The following CRISPLD2 variants were observed in gnomAD, a reference collection of about 807,000 sequenced individuals.
CRISPLD2 encodes cysteine rich secretory protein LCCL domain containing 2.
CRISPLD2 carries 47 observed loss-of-function variants against 71.1 expected under a neutral mutation model. The observed-to-expected ratio is 0.66, with a 90% CI of 0.52 to 0.84. The LOEUF (loss-of-function observed/expected upper bound fraction) is 0.84, where lower values mean the gene tolerates loss of function less well. CRISPLD2 is among the 40% of genes least tolerant of loss of function. The probability of loss-of-function intolerance (pLI) is 0.00; values close to 1 mark genes in which losing one functional copy is unlikely to be tolerated. For missense variants in CRISPLD2, 830 were observed against 651.1 expected, an observed-to-expected ratio of 1.27 and a Z score of -2.99; for synonymous variants, 317 against 250.1, an observed-to-expected ratio of 1.27 and a Z score of -2.52.
intron 14 of CRISPLD2, among the ~76,000 whole-genome samples, chr16:84,904,593 T>TA (rs911340806): frequency 1.8e-4 from 23 of 128,058 alleles, no homozygotes; most frequent in East Asian, 1.1e-3. Context: ...CAAAAAAAGG[T>TA]AAAAAAAAAA....
chr16:84,883,968 C>T (rs369325271), intron 13 of CRISPLD2, among the ~76,000 whole-genome samples: 3 of 151,888 alleles, frequency 2.0e-5, no homozygotes, highest in Admixed American at 6.6e-5. Flanking sequence ...CCCAGCCTCC[C>T]GAGTAGCTGG....
At chr16:84,843,400 C>A (rs1301374666) in intron 2 of CRISPLD2, among the ~76,000 whole-genome samples, 1 of 152,228 alleles carries the variant, frequency 6.6e-6, no homozygotes, top group African/African-American at 2.4e-5. Flanking sequence ...TTTGAAACAG[C>A]CTTAGCACTG....
intron 14 of CRISPLD2, 39 bp downstream of exon 14, chr16:84,889,402 G>C (rs761203436): frequency 6.3e-7 from 1 of 1,578,072 alleles, no homozygotes; most frequent in Non-Finnish European, 8.6e-7. Context: ...CCCAATCCCG[G>C]CTGCTAATGG....
At chr16:84,903,010 T>C (rs972836133) in intron 14 of CRISPLD2, among the ~76,000 whole-genome samples, 4 of 152,034 alleles carry the variant, frequency 2.6e-5, no homozygotes, top group Admixed American at 6.6e-5. Flanking sequence ...TCAAGTGATC[T>C]GCCCACCTCA....
chr16:84,821,619 C>T (rs1459856902), intron 1 of CRISPLD2, among the ~76,000 whole-genome samples: 1 of 152,208 alleles, frequency 6.6e-6, no homozygotes, highest in African/African-American at 2.4e-5. Flanking sequence ...ACTGCCAACT[C>T]CACCCATGAA....
chr16:84,872,412 C>G (rs2071478886), intron 8 of CRISPLD2, 30 bp from the exon 9 acceptor site: 1 of 1,590,814 alleles, frequency 6.3e-7, no homozygotes, highest in Non-Finnish European at 8.6e-7. Flanking sequence ...GTGCTTATCT[C>G]TGAACATCAT....
chr16:84,843,343 G>A (rs999293130), intron 2 of CRISPLD2, among the ~76,000 whole-genome samples: 44 of 152,216 alleles, frequency 2.9e-4, no homozygotes, highest in Non-Finnish European at 7.3e-5. Flanking sequence ...GCTTGGAAAC[G>A]TGGCTTCCTG....
chr16:84,852,026 G>T (rs1461113386), intron 5 of CRISPLD2, among the ~76,000 whole-genome samples: 2 of 152,154 alleles, frequency 1.3e-5, no homozygotes. Context: ...ACCAAGGGGT[G>T]GCAGATCAAG....
At chr16:84,851,078 C>T (rs992812763) in intron 5 of CRISPLD2, among the ~76,000 whole-genome samples, 1 of 152,238 alleles carries the variant, frequency 6.6e-6, no homozygotes, top group Non-Finnish European at 1.5e-5. Context: ...CTTTGCAAGA[C>T]GTCCTCTGGG....
intron 14 of CRISPLD2, 29 bp downstream of exon 14, chr16:84,889,392 C>G: frequency 5.0e-6 from 8 of 1,586,320 alleles, no homozygotes; most frequent in Non-Finnish European, 6.9e-6. Flanking sequence ...ACCCTTGACA[C>G]CCAATCCCGG....
At chr16:84,852,703 A>G (rs945470844) in intron 5 of CRISPLD2, among the ~76,000 whole-genome samples, 1 of 151,792 alleles carries the variant, frequency 6.6e-6, no homozygotes, top group Admixed American at 6.6e-5. Context: ...TCCCAACCCG[A>G]CAAGGGGTGG....
rs185374379 is a variant in CRISPLD2 at position 84,831,351 on chromosome 16, C to T, written c.-74-7071C>T. Among the ~76,000 whole-genome samples the T allele has an allele frequency of 3.2e-4, 48 of 152,252 alleles. No homozygotes were observed. The South Asian group carries it at 8.7e-3, about 28-fold the overall frequency. ...TCAAGGTATATACAGAGCTAATATA[C>T]GTTTCAAATTCAGTAGAGGGTCCCC... is the stretch of plus-strand genomic sequence containing the variant. On this transcript the variant is annotated intron_variant, in intron 1 of 14. Coordinates refer to ENST00000262424, the MANE Select transcript of CRISPLD2 (RefSeq NM_031476.4).
At chr16:84,860,583 G>C (rs1430905264) in intron 6 of CRISPLD2, among the ~76,000 whole-genome samples, 1 of 152,186 alleles carries the variant, frequency 6.6e-6, no homozygotes, top group Non-Finnish European at 1.5e-5. Flanking sequence ...AGGTGGAAAG[G>C]CTGACCGCAG....
At chr16:84,874,095 G>A (rs1159754239) in intron 11 of CRISPLD2, 132 bp downstream of exon 11, 2 of 845,090 alleles carry the variant, frequency 2.4e-6, no homozygotes, top group Non-Finnish European at 3.7e-6. Context: ...TCATTGTCAA[G>A]CCTTTTTCAA....
intron 13 of CRISPLD2, among the ~76,000 whole-genome samples, chr16:84,881,104 T>C (rs1176684230): frequency 6.6e-6 from 1 of 152,196 alleles, no homozygotes; most frequent in African/African-American, 2.4e-5. Flanking sequence ...TCCTCACAAA[T>C]GCAGATTCAG....
chr16:84,866,953 C>G lies in CRISPLD2; in HGVS notation c.766C>G (p.Pro256Ala), dbSNP rs2143270461. The G allele has an allele frequency of 1.2e-6, 2 of 1,614,110 alleles. No individual in the cohort carries two copies. Among genetic ancestry groups the G allele is most frequent in the African/African-American group, 2.7e-5 (2 of 75,022 alleles). Residue 256 changes from proline (P) to alanine (A), a missense_variant, in exon 7 of 15, where the codon CCC becomes GCC. Transcript: ENST00000262424. Reference protein sequence around the residue: ...TDEMNEVETAPIPEENHVWLQ... With the variant: ...TDEMNEVETAAIPEENHVWLQ... ...CGAGATGAATGAGGTGGAAACGGCT[C>G]CCATTCCTGAAGAAAACCATGTTTG... is the stretch of plus-strand genomic sequence containing the variant.
chr16:84,892,560 G>T (rs913542689), intron 14 of CRISPLD2, among the ~76,000 whole-genome samples: 1 of 152,180 alleles, frequency 6.6e-6, no homozygotes, highest in Non-Finnish European at 1.5e-5. Context: ...GCCACCAACG[G>T]TGGGTGCTCA....
Position 84,837,948 on chromosome 16 carries a change from A to G in CRISPLD2, c.-74-474A>G, listed in dbSNP as rs115147028. ...CGAGGGCCGTGATAAGAGGAGCCAT[A>G]TGTCAACCACTATTGGTAAACTGAG... On this transcript the variant is annotated intron_variant, in intron 1 of 14. Coordinates refer to ENST00000262424, the MANE Select transcript of CRISPLD2 (RefSeq NM_031476.4). 3.3e-3 allele frequency among the ~76,000 whole-genome samples: 505 copies of G among 152,338 alleles called. 2 individuals carry two copies. The highest frequency in any genetic ancestry group is 0.011 in the African/African-American group (473 of 41,574).
chr16:84,851,208 A>G (rs559315648), intron 5 of CRISPLD2, among the ~76,000 whole-genome samples: 36 of 152,208 alleles, frequency 2.4e-4, no homozygotes, highest in Non-Finnish European at 4.3e-4. Flanking sequence ...TAGAAAACAC[A>G]TGTTCACACA....
Sources: allele counts gnomAD v4.1 joint callset (sites outside exome capture counted in the v4.1 genomes callset), GRCh38; gene constraint gnomAD v4.1.1; transcripts MANE v1.5; gene names NCBI Gene and HGNC (gene_info 2026-07-23, HGNC 2026-07-21).